Variants in SHPRH observed in about 807,000 individuals in gnomAD.
SHPRH encodes SNF2 histone linker PHD RING helicase.
SHPRH carries 106 observed loss-of-function variants against 202.5 expected under a neutral mutation model. That is an observed-to-expected ratio of 0.52 (90% CI 0.45 to 0.62). SHPRH has a LOEUF of 0.62. SHPRH is among the 20% of genes least tolerant of loss of function. The pLI is 0.00. For missense variants in SHPRH, 1,710 were observed against 2,020.0 expected, an observed-to-expected ratio of 0.85 and a Z score of 2.94; for synonymous variants, 729 against 686.0, an observed-to-expected ratio of 1.06 and a Z score of -0.98.
intron 25 of SHPRH, chr6:145,907,643 T>C (rs1335362123): frequency 2.0e-5 from 3 of 152,180 alleles, no homozygotes; most frequent in Non-Finnish European, 2.9e-5. Context: ...GGCTTTTCCA[T>C]GCACTGGCTC....
chr6:145,959,934 A>G (rs1489104236), intron 1 of SHPRH, among the ~76,000 whole-genome samples: 1 of 152,242 alleles, frequency 6.6e-6, no homozygotes, highest in Non-Finnish European at 1.5e-5. Flanking sequence ...TCCTCAAAGC[A>G]TAAGCTGGAA....
chr6:145,859,810 T>G (rs1325453255), downstream of SHPRH, among the ~76,000 whole-genome samples: 1 of 152,024 alleles, frequency 6.6e-6, no homozygotes, highest in Admixed American at 6.6e-5. Context: ...TGTGTTGGAA[T>G]GGCAAGAAGA....
At chr6:145,944,410 G>A (rs1370696607) in intron 8 of SHPRH, among the ~76,000 whole-genome samples, 2 of 152,116 alleles carry the variant, frequency 1.3e-5, no homozygotes, top group African/African-American at 4.8e-5. Context: ...TGATGCTATG[G>A]GAATACCTAA....
At chr6:145,950,589 G>T in intron 3 of SHPRH, 107 bp from the exon 4 acceptor site, 1 of 960,268 alleles carries the variant, frequency 1.0e-6, no homozygotes, top group Non-Finnish European at 1.6e-6. Flanking sequence ...CTGGGGCCTT[G>T]CTCAGTGTGT....
chr6:145,918,401 A>ATTT, intron 22 of SHPRH, 169 bp from the exon 23 acceptor site: 1 of 322,936 alleles, frequency 3.1e-6, no homozygotes, highest in Non-Finnish European at 5.3e-6. Context: ...ATTTCAAATG[A>ATTT]TTTTTTTTTT....
chr6:145,928,380 C>T (rs1785090137), intron 14 of SHPRH, among the ~76,000 whole-genome samples: 1 of 150,708 alleles, frequency 6.6e-6, no homozygotes, highest in African/African-American at 2.5e-5. Flanking sequence ...CAAAACCATG[C>T]AATCCATACC....
chr6:145,902,585 G>C (rs1050546945), intron 25 of SHPRH, among the ~76,000 whole-genome samples: 1 of 151,980 alleles, frequency 6.6e-6, no homozygotes, highest in Non-Finnish European at 1.5e-5. Context: ...CTATTTTACC[G>C]ATGTAATTTC....
chr6:145,877,537 T>C (rs1338392400), intron 2 of SHPRH: 1 of 152,208 alleles, frequency 6.6e-6, no homozygotes, highest in African/African-American at 2.4e-5. Flanking sequence ...CATAATATAT[T>C]TCCTTGCCAT....
intron 25 of SHPRH, among the ~76,000 whole-genome samples, chr6:145,900,733 T>C (rs1782428998): frequency 6.6e-6 from 1 of 152,168 alleles, no homozygotes; most frequent in Admixed American, 6.6e-5. Context: ...CACATCCTTC[T>C]GTATACTTTA....
At chr6:145,947,690 A>G (rs1272450145) in intron 5 of SHPRH, 47 bp from the exon 6 acceptor site, 3 of 1,594,490 alleles carry the variant, frequency 1.9e-6, no homozygotes, top group Non-Finnish European at 1.7e-6. Flanking sequence ...TGTGAATACA[A>G]ATTACAATGT....
chr6:145,895,844 A>T (rs1781969965), intron 25 of SHPRH, among the ~76,000 whole-genome samples: 1 of 152,056 alleles, frequency 6.6e-6, no homozygotes, highest in Non-Finnish European at 1.5e-5. Flanking sequence ...TCTCTTTCCA[A>T]AGGTGGCTGT....
At chr6:145,922,598 TTCTC>T in intron 19 of SHPRH, 61 bp downstream of exon 19, 34 of 1,512,040 alleles carry the variant, frequency 2.2e-5, no homozygotes, top group Non-Finnish European at 3.0e-5. Context: ...CAATTGTTTC[TTCTC>T]TAAGAAATCT....
chr6:145,926,072 C>T (rs953672544), intron 16 of SHPRH, 132 bp downstream of exon 16: 6 of 854,006 alleles, frequency 7.0e-6, no homozygotes, highest in East Asian at 2.7e-5. Context: ...CAACAAAATT[C>T]GAAACATCAA....
At chr6:145,881,137 G>T (rs1308583849), downstream of SHPRH, among the ~76,000 whole-genome samples, 2 of 152,176 alleles carry the variant, frequency 1.3e-5, no homozygotes, top group African/African-American at 2.4e-5. Context: ...TAATGGGACA[G>T]AATCTTTTTG....
chr6:145,923,689 T>A lies in SHPRH; in HGVS notation c.3499A>T (p.Thr1167Ser). ...CCAGTTTGTTGCTTGTAGTTGCTGG[T>A]TATTTCATTTCGCACTCGCTGAACT... Reference protein sequence around the residue: ...ELVQRVRNEITSNYKQQTGKL... With the variant: ...ELVQRVRNEISSNYKQQTGKL... The change falls in exon 18 of 30, where the codon ACC (threonine) becomes TCC (serine). Residue 1167 changes from threonine to serine, a missense_variant. Around this residue, in one of 8 missense-constraint regions of SHPRH, gnomAD observed 288 missense variants for 317.8 expected, o/e 0.91. Coordinates refer to ENST00000275233, the MANE Select transcript of SHPRH (RefSeq NM_001042683.3). 2.5e-6 allele frequency: 4 copies of A among 1,612,052 alleles called. No homozygotes were observed. The highest frequency in any genetic ancestry group is 3.4e-6 in the Non-Finnish European group (4 of 1,178,700).
exon 3 of SHPRH, chr6:145,864,268 T>G: frequency 4.0e-6 from 1 of 252,742 alleles, no homozygotes; most frequent in Non-Finnish European, 8.5e-6. Context: ...TGTTTATTCC[T>G]TACAGACATG....
intron 25 of SHPRH, among the ~76,000 whole-genome samples, chr6:145,895,336 C>T (rs754304023): frequency 1.5e-4 from 23 of 152,038 alleles, no homozygotes; most frequent in Non-Finnish European, 2.6e-4. Flanking sequence ...TTCATTTATT[C>T]TCCCTTTCTT....
intron 25 of SHPRH, chr6:145,907,221 G>A (rs974617262): frequency 6.6e-6 from 1 of 151,952 alleles, no homozygotes; most frequent in African/African-American, 2.4e-5. Flanking sequence ...CAGAAACCAG[G>A]GGTGATCTAT....
chr6:145,871,945 G>T (rs1780074790), intron 2 of SHPRH, among the ~76,000 whole-genome samples: 3 of 152,178 alleles, frequency 2.0e-5, no homozygotes, highest in Admixed American at 1.3e-4. Flanking sequence ...AAGCAATGGA[G>T]AAAGGATTCC....
Sources: gnomAD v4.1 joint callset for allele counts (sites outside exome capture counted in the v4.1 genomes callset) on GRCh38, gnomAD v4.1.1 for gene constraint, gnomAD v4.1.1 regional missense constraint, MANE v1.5 for transcripts, NCBI Gene and HGNC (gene_info 2026-07-23, HGNC 2026-07-21) for gene names.